The following ZBTB16 variants were observed in gnomAD, a reference collection of about 807,000 sequenced individuals.
ZBTB16 encodes the protein zinc finger and BTB domain-containing protein 16.
Under a neutral mutation model 56.8 loss-of-function variants are expected in ZBTB16, and 8 were observed. That is an observed-to-expected ratio of 0.14 (90% CI 0.08 to 0.25). The LOEUF is 0.25. Among genes scored for constraint, ZBTB16 ranks in the 10% least tolerant of loss-of-function variants. ZBTB16 has a pLI of 1.00. For missense variants in ZBTB16, 625 were observed against 903.0 expected (o/e 0.69, Z 3.95); for synonymous variants, 363 against 368.5 (o/e 0.98, Z 0.17).
chr11:114,151,255 C>G (rs996509874), intron 2 of ZBTB16, among the ~76,000 whole-genome samples: 1 of 152,146 alleles, frequency 6.6e-6, no homozygotes, highest in Non-Finnish European at 1.5e-5. Context: ...ATTGGGGTGA[C>G]TTTTGCATGT....
At chr11:114,153,866 G>T (rs1013074976) in intron 2 of ZBTB16, among the ~76,000 whole-genome samples, 1 of 152,236 alleles carries the variant, frequency 6.6e-6, no homozygotes, top group Non-Finnish European at 1.5e-5. Flanking sequence ...AACACAGAGA[G>T]ATTGTGATAG....
rs2137654305 is a variant in ZBTB16 at position 114,064,149 on chromosome 11, G to A, written c.849G>A (p.Pro283=). The A allele has an allele frequency of 3.7e-6, 6 of 1,613,812 alleles. No individual in the cohort carries two copies. Among genetic ancestry groups the A allele is most frequent in the Non-Finnish European group, 5.1e-6 (6 of 1,180,000 alleles). The part of the protein sequence containing the change: ...EERGKEGPGT[P]TRSSVITSAR... ...GAGGCAAAGAGGGGCCTGGGACCCC[G>A]ACTCGAAGCAGCGTCATCACCAGTG... is the stretch of plus-strand genomic sequence containing the variant. Residue 283 remains proline (P), a synonymous_variant, in exon 2 of 7, where the codon CCG becomes CCA. Coordinates refer to ENST00000335953, the MANE Select transcript of ZBTB16 (RefSeq NM_006006.6). The surrounding 1 kb of genome is among the most constrained non-coding windows in gnomAD (Gnocchi z 4.2).
intron 4 of ZBTB16, among the ~76,000 whole-genome samples, chr11:114,192,194 TTC>T (rs1212037430): frequency 6.6e-6 from 1 of 152,168 alleles, no homozygotes; most frequent in East Asian, 1.9e-4. Context: ...TTTGCATGGC[TTC>T]TCTCTTCAGC....
rs139150590 is a variant in ZBTB16 at position 114,175,849 on chromosome 11, G to A, written c.1367-11103G>A. ...TGTCAGGAGATGCTGGGGGACCGGG[G>A]CAGGGCCAGGTTATCAGCTTGAAAT... On this transcript the variant is annotated intron_variant, in intron 3 of 6. Transcript: ENST00000335953. Among the ~76,000 whole-genome samples the A allele has an allele frequency of 3.4e-3, 518 of 152,168 alleles. 2 individuals are homozygous for A. The highest frequency in any genetic ancestry group is 0.012 in the African/African-American group (482 of 41,520).
At chr11:114,120,864 G>T (rs1339455844) in intron 2 of ZBTB16, among the ~76,000 whole-genome samples, 1 of 152,188 alleles carries the variant, frequency 6.6e-6, no homozygotes, top group Non-Finnish European at 1.5e-5. Flanking sequence ...CAGCGTGGAT[G>T]CTGGACCTGT....
rs983298930 is a variant in ZBTB16 at position 114,144,577 on chromosome 11, G to A, written c.1269-11760G>A. On this transcript the variant is annotated intron_variant, in intron 2 of 6. Coordinates refer to ENST00000335953, the MANE Select transcript of ZBTB16 (RefSeq NM_006006.6). ...GGAGCCCTTAACAGAGCTTCTTGCC[G>A]CAGCCTGCTGTGGGACACCATGCCC... Among the ~76,000 whole-genome samples, 8 of 152,298 alleles carry A rather than the reference G, an allele frequency of 5.3e-5. No homozygotes were observed. The East Asian group carries it at 5.8e-4, about 11-fold the overall frequency.
chr11:114,129,876 C>T (rs1250951361), intron 2 of ZBTB16, among the ~76,000 whole-genome samples: 1 of 152,220 alleles, frequency 6.6e-6, no homozygotes, highest in East Asian at 1.9e-4. Context: ...TTCTCTCCTG[C>T]GGCCCGCTTT....
intron 2 of ZBTB16, among the ~76,000 whole-genome samples, chr11:114,068,467 G>A (rs553454014): frequency 1.2e-4 from 19 of 152,196 alleles, no homozygotes; most frequent in Non-Finnish European, 2.8e-4. Flanking sequence ...TGTACAAGCC[G>A]TCCACTGCAG....
chr11:114,185,852 G>T (rs910443969), intron 3 of ZBTB16, among the ~76,000 whole-genome samples: 3 of 152,182 alleles, frequency 2.0e-5, no homozygotes, highest in Non-Finnish European at 4.4e-5. Flanking sequence ...TGACATGGTG[G>T]CATTATCACT....
chr11:114,083,691 C>A (rs1451646654), intron 2 of ZBTB16, among the ~76,000 whole-genome samples: 1 of 152,140 alleles, frequency 6.6e-6, no homozygotes, highest in Non-Finnish European at 1.5e-5. Flanking sequence ...GTGTTCTGTA[C>A]CACCCAGCTT....
chr11:114,137,299 A>C (rs1447527482), intron 2 of ZBTB16, among the ~76,000 whole-genome samples: 1 of 152,198 alleles, frequency 6.6e-6, no homozygotes, highest in African/African-American at 2.4e-5. Flanking sequence ...ACAGCAGTTA[A>C]AGAAGCCGTT....
At chr11:114,109,978 G>T (rs1017069306) in intron 2 of ZBTB16, among the ~76,000 whole-genome samples, 1 of 152,182 alleles carries the variant, frequency 6.6e-6, no homozygotes, top group African/African-American at 2.4e-5. Context: ...TCTGGAAGGA[G>T]CCCACAATTC....
intron 3 of ZBTB16, among the ~76,000 whole-genome samples, chr11:114,164,193 G>A (rs1454924438): frequency 6.6e-6 from 1 of 152,196 alleles, no homozygotes; most frequent in Non-Finnish European, 1.5e-5. Context: ...CCCCCTCAGA[G>A]AGGAGCCTGT....
chr11:114,084,016 C>T (rs868249927), intron 2 of ZBTB16, among the ~76,000 whole-genome samples: 2 of 152,062 alleles, frequency 1.3e-5, no homozygotes, highest in South Asian at 2.1e-4. Context: ...GGCTTTAATC[C>T]GTTGGTGGAA....
At chr11:114,124,274 G>T (rs572365490) in intron 2 of ZBTB16, among the ~76,000 whole-genome samples, 1 of 150,506 alleles carries the variant, frequency 6.6e-6, no homozygotes, top group Non-Finnish European at 1.5e-5. Context: ...CTTATGCCAG[G>T]GGTTATTAGA....
chr11:114,070,094 CTTTTTTTTTTTTTTTT>C (rs4020465), intron 2 of ZBTB16, among the ~76,000 whole-genome samples: 2 of 75,966 alleles, frequency 2.6e-5, no homozygotes, highest in Non-Finnish European at 4.7e-5. Flanking sequence ...GAGTACCTTT[CTTTTTTTTTTTTTTTT>C]TTTTTTTTTG....
intron 4 of ZBTB16, among the ~76,000 whole-genome samples, chr11:114,223,325 T>A (rs534717135): frequency 2.0e-5 from 3 of 152,172 alleles, no homozygotes; most frequent in Non-Finnish European, 4.4e-5. Flanking sequence ...CAATCGCACG[T>A]ATTAAAAGAT....
intron 2 of ZBTB16, among the ~76,000 whole-genome samples, chr11:114,131,422 C>G (rs1239703800): frequency 1.2e-4 from 18 of 151,886 alleles, no homozygotes; most frequent in Admixed American, 1.2e-3. Context: ...CTGTTTTTTT[C>G]TTTTTAAGGG....
In ZBTB16 at chr11:114,114,892, A is replaced by AG. The variant is rs1461996814; in HGVS notation, c.1269-41443dup. Among the ~76,000 whole-genome samples, 10 of 152,098 alleles carry AG rather than the reference A, an allele frequency of 6.6e-5. No individual in the cohort carries two copies. In the East Asian group the frequency reaches 1.9e-3, roughly 30 times the overall value. ...GAGACAGGGTTTCGCCATGTTGCCC[A>AG]GGCTGGTCTCGAACTCCTGAGTTCA... On this transcript the variant is annotated intron_variant, in intron 2 of 6. Coordinates refer to ENST00000335953, the MANE Select transcript of ZBTB16 (RefSeq NM_006006.6).
Sources: allele counts gnomAD v4.1 joint callset (sites outside exome capture counted in the v4.1 genomes callset), GRCh38; gene constraint gnomAD v4.1.1; non-coding constraint Gnocchi (gnomAD v3.1); transcripts MANE v1.5; gene names NCBI Gene and HGNC (gene_info 2026-07-23, HGNC 2026-07-21).